Variants in FARS2 observed in about 807,000 individuals in gnomAD.
FARS2 encodes the protein phenylalanine--tRNA ligase, mitochondrial.
A neutral mutation model predicts 46.4 loss-of-function variants in FARS2; 40 were observed. The observed-to-expected ratio is 0.86, with a 90% CI of 0.67 to 1.12. The LOEUF is 1.12. FARS2 is among the 50% of genes most tolerant of loss of function. The pLI is 0.00. For missense variants in FARS2, 513 were observed against 567.9 expected (o/e 0.90, Z 0.98); for synonymous variants, 234 against 214.9 (o/e 1.09, Z -0.78).
intron 4 of FARS2, among the ~76,000 whole-genome samples, chr6:5,468,565 T>G (rs1376477906): frequency 6.6e-6 from 1 of 152,226 alleles, no homozygotes; most frequent in Non-Finnish European, 1.5e-5. Flanking sequence ...ACCAGAAATC[T>G]TTGAATCTGT....
At chr6:5,521,403 A>G (rs530855371) in intron 4 of FARS2, among the ~76,000 whole-genome samples, 12 of 151,640 alleles carry the variant, frequency 7.9e-5, no homozygotes, top group African/African-American at 2.9e-4. Flanking sequence ...GATAGCCCCT[A>G]AAGCTGCTGG....
chr6:5,561,123 T>G lies in FARS2; in HGVS notation c.1065+15783T>G, dbSNP rs375198972. On this transcript the variant is annotated intron_variant, in intron 5 of 6. Transcript: ENST00000274680. Reference sequence around the variant, plus strand: ...GCCAGCCTGGGCAACAGAACAAGCCTCCGTCTCAAAAACAAAAACAAACAA... The same window carrying G: ...GCCAGCCTGGGCAACAGAACAAGCCGCCGTCTCAAAAACAAAAACAAACAA... Among the ~76,000 whole-genome samples the G allele has an allele frequency of 2.4e-4, 36 of 152,248 alleles. No homozygotes were observed. In the South Asian group the frequency reaches 6.4e-3, roughly 27 times the overall value.
chr6:5,404,164 T>C (rs192132479), intron 2 of FARS2, among the ~76,000 whole-genome samples: 173 of 152,336 alleles, frequency 1.1e-3, no homozygotes, highest in Middle Eastern at 6.8e-3. Context: ...TTACAGGATT[T>C]AATTCCTCGA....
At chr6:5,406,646 C>T (rs959099559) in intron 3 of FARS2, among the ~76,000 whole-genome samples, 1 of 152,048 alleles carries the variant, frequency 6.6e-6, no homozygotes, top group Non-Finnish European at 1.5e-5. Flanking sequence ...TCCCATTCCA[C>T]GATTTGTTTA....
At chr6:5,371,285 C>A in intron 2 of FARS2, 1 of 531,624 alleles carries the variant, frequency 1.9e-6, no homozygotes, top group Non-Finnish European at 2.4e-6. Context: ...GTTTTTTCGT[C>A]TTTCAGTTTA....
At chr6:5,721,925 G>C (rs367943501) in intron 6 of FARS2, among the ~76,000 whole-genome samples, 1 of 152,230 alleles carries the variant, frequency 6.6e-6, no homozygotes, top group Non-Finnish European at 1.5e-5. Context: ...GTGCTTCAGC[G>C]TGTACCACGG....
intron 4 of FARS2, among the ~76,000 whole-genome samples, chr6:5,510,979 G>A (rs1013760627): frequency 6.6e-6 from 1 of 152,128 alleles, no homozygotes; most frequent in Non-Finnish European, 1.5e-5. Flanking sequence ...CAGGGCTTGC[G>A]GGGATCCTGA....
intron 5 of FARS2, chr6:5,609,163 T>A: frequency 1.2e-6 from 1 of 831,860 alleles, no homozygotes; most frequent in Non-Finnish European, 2.0e-6. Flanking sequence ...CACAAATCCG[T>A]TGTAACCTGT....
intron 6 of FARS2, among the ~76,000 whole-genome samples, chr6:5,748,696 A>G (rs1420111442): frequency 2.0e-5 from 3 of 152,274 alleles, no homozygotes; most frequent in African/African-American, 7.2e-5. Context: ...AGCCTGGAGC[A>G]GTAACCAAAA....
chr6:5,638,619 A>C (rs545481435), intron 6 of FARS2, among the ~76,000 whole-genome samples: 2 of 152,214 alleles, frequency 1.3e-5, no homozygotes, highest in African/African-American at 4.8e-5. Flanking sequence ...AGCAGGCCTC[A>C]CTGAAAACTG....
chr6:5,458,970 C>T (rs1765075547), intron 4 of FARS2, among the ~76,000 whole-genome samples: 1 of 152,188 alleles, frequency 6.6e-6, no homozygotes, highest in Non-Finnish European at 1.5e-5. Context: ...TTTGTTCTCT[C>T]AGATGCATTC....
intron 5 of FARS2, among the ~76,000 whole-genome samples, chr6:5,552,146 T>C (rs1285437963): frequency 2.0e-5 from 3 of 152,170 alleles, no homozygotes; most frequent in Non-Finnish European, 4.4e-5. Flanking sequence ...AAAATAAGGA[T>C]AGTATTAAAG....
intron 6 of FARS2, among the ~76,000 whole-genome samples, chr6:5,767,740 G>A (rs963392432): frequency 1.3e-5 from 2 of 152,200 alleles, no homozygotes; most frequent in African/African-American, 4.8e-5. Flanking sequence ...GAATGCCTCA[G>A]AACAGTAACG....
chr6:5,375,596 A>T (rs1759326545), intron 2 of FARS2, among the ~76,000 whole-genome samples: 1 of 152,092 alleles, frequency 6.6e-6, no homozygotes, highest in South Asian at 2.1e-4. Flanking sequence ...AGGTATTAAG[A>T]CTTATACTTG....
At chr6:5,421,416 A>G (rs1240324668) in intron 3 of FARS2, among the ~76,000 whole-genome samples, 1 of 152,028 alleles carries the variant, frequency 6.6e-6, no homozygotes, top group Non-Finnish European at 1.5e-5. Context: ...CATTTTCCCC[A>G]TTGTCTTGGG....
intron 2 of FARS2, among the ~76,000 whole-genome samples, chr6:5,390,533 A>G (rs1760440975): frequency 6.6e-6 from 1 of 152,230 alleles, no homozygotes; most frequent in Non-Finnish European, 1.5e-5. Context: ...ACCGAACAAC[A>G]GTATCACAAA....
Position 5,628,560 on chromosome 6 carries a change from C to T in FARS2, c.1217+15240C>T, listed in dbSNP as rs148891872. Among the ~76,000 whole-genome samples the T allele has an allele frequency of 9.1e-3, 1,383 of 152,312 alleles. 12 individuals are homozygous for T. The highest frequency in any genetic ancestry group is 0.014 in the Middle Eastern group (4 of 294). On this transcript the variant is annotated intron_variant, in intron 6 of 6. Coordinates refer to ENST00000274680, the MANE Select transcript of FARS2 (RefSeq NM_006567.5). ...TGGGCACCCAGCAAAGCTGGGCAGGCGAGGCCTCTTCTCTGTAATGTTTGG... is the reference window on the plus strand; with the variant it reads ...TGGGCACCCAGCAAAGCTGGGCAGGTGAGGCCTCTTCTCTGTAATGTTTGG...
intron 1 of FARS2, among the ~76,000 whole-genome samples, chr6:5,276,282 A>G (rs1392603997): frequency 6.6e-6 from 1 of 152,196 alleles, no homozygotes; most frequent in Admixed American, 6.5e-5. Context: ...TAAGGGAGAA[A>G]ACTTGACTAA....
chr6:5,299,388 A>G (rs1768125843), intron 1 of FARS2, among the ~76,000 whole-genome samples: 1 of 152,156 alleles, frequency 6.6e-6, no homozygotes, highest in African/African-American at 2.4e-5. Context: ...TTTTGGTTTC[A>G]AGGAATGCTT....
Sources: allele counts gnomAD v4.1 joint callset (sites outside exome capture counted in the v4.1 genomes callset), GRCh38; gene constraint gnomAD v4.1.1; transcripts MANE v1.5; gene names NCBI Gene and HGNC (gene_info 2026-07-23, HGNC 2026-07-21).